The following THEMIS variants were observed in gnomAD, a reference collection of about 807,000 sequenced individuals.
THEMIS encodes protein THEMIS.
A neutral mutation model predicts 52.6 loss-of-function variants in THEMIS; 37 were observed. That is an observed-to-expected ratio of 0.70 (90% CI 0.54 to 0.93). The LOEUF is 0.93. Ranked by LOEUF, THEMIS falls within the 40% of genes least tolerant of loss-of-function variation. The pLI is 0.00. For synonymous variants in THEMIS, 292 were observed against 272.7 expected (o/e 1.07, Z -0.70); for missense variants, 808 against 763.1 (o/e 1.06, Z -0.69).
At chr6:127,797,141 A>G (rs921864891) in intron 4 of THEMIS, among the ~76,000 whole-genome samples, 3 of 152,242 alleles carry the variant, frequency 2.0e-5, no homozygotes, top group African/African-American at 7.2e-5. Context: ...TCCGTGCACT[A>G]ACCTTTCTTT....
At chr6:127,822,323 T>G (rs1045838007) in intron 3 of THEMIS, among the ~76,000 whole-genome samples, 53 of 152,162 alleles carry the variant, frequency 3.5e-4, no homozygotes, top group African/African-American at 1.2e-3. Flanking sequence ...TTTTTTAAAT[T>G]TATTTAACTT....
chr6:127,784,951 CTATCTAT>C, intron 4 of THEMIS, among the ~76,000 whole-genome samples: 2 of 7,106 alleles, frequency 2.8e-4, no homozygotes, highest in Non-Finnish European at 9.2e-4. Flanking sequence ...GGCAGTCACA[CTATCTAT>C]CTATCTATCT....
intron 4 of THEMIS, among the ~76,000 whole-genome samples, chr6:127,732,584 C>G (rs1394391028): frequency 6.6e-6 from 1 of 152,198 alleles, no homozygotes; most frequent in African/African-American, 2.4e-5. Context: ...AGCTAGCCCT[C>G]ATTCTGACAC....
chr6:127,884,272 G>A (rs2114442516), intron 1 of THEMIS, among the ~76,000 whole-genome samples: 1 of 152,158 alleles, frequency 6.6e-6, no homozygotes, highest in East Asian at 1.9e-4. Flanking sequence ...TGGACAATAG[G>A]ACAATCCTTA....
chr6:127,798,573 T>C (rs983895947), intron 4 of THEMIS, among the ~76,000 whole-genome samples: 24 of 152,210 alleles, frequency 1.6e-4, no homozygotes, highest in African/African-American at 5.3e-4. Context: ...AGTGTTCATG[T>C]CTTGGGAATA....
intron 4 of THEMIS, among the ~76,000 whole-genome samples, chr6:127,763,558 A>G (rs1487171887): frequency 1.3e-4 from 19 of 151,976 alleles, no homozygotes; most frequent in Non-Finnish European, 2.9e-5. Flanking sequence ...TACTCTCCTT[A>G]CTTATCATGA....
At chr6:127,744,387 T>A (rs1264155085) in intron 4 of THEMIS, among the ~76,000 whole-genome samples, 1 of 152,068 alleles carries the variant, frequency 6.6e-6, no homozygotes, top group East Asian at 1.9e-4. Flanking sequence ...TCCATGTTCA[T>A]TGCAGCATTA....
intron 1 of THEMIS, among the ~76,000 whole-genome samples, chr6:127,885,657 C>G (rs1205016372): frequency 6.6e-6 from 1 of 151,920 alleles, no homozygotes; most frequent in Non-Finnish European, 1.5e-5. Context: ...TTTGCAGGAA[C>G]AAGAAATAGT....
chr6:127,709,237 C>A lies in THEMIS; in HGVS notation c.*748G>T, dbSNP rs1773892128. On this transcript the variant is annotated 3_prime_UTR_variant, in exon 6 of 6. Coordinates refer to ENST00000368248, the MANE Select transcript of THEMIS (RefSeq NM_001010923.3). ...TATGATTAACTAGATAATTTTCCTA[C>A]AATCCTAAGAAACATTCATCTAAAG... 6.6e-6 allele frequency: 1 copy of A among 151,874 alleles called. No individual in the cohort carries two copies. Among genetic ancestry groups the A allele is most frequent in the South Asian group, 2.1e-4 (1 of 4,832 alleles). 9.4% of individuals were successfully genotyped at this position (151,874 alleles called of 1,614,324 possible). A position where few individuals can be genotyped will look rare whatever the true frequency, so the allele number is the denominator to read the frequency against.
chr6:127,783,728 A>G (rs1776827664), intron 4 of THEMIS, among the ~76,000 whole-genome samples: 1 of 152,216 alleles, frequency 6.6e-6, no homozygotes, highest in African/African-American at 2.4e-5. Flanking sequence ...TTAAAAAGTC[A>G]GGAAACAACA....
At chr6:127,902,159 T>C (rs1487101832), upstream of THEMIS, among the ~76,000 whole-genome samples, 2 of 151,274 alleles carry the variant, frequency 1.3e-5, no homozygotes, top group Non-Finnish European at 1.5e-5. Flanking sequence ...ACTTTGTCTC[T>C]ACAAAAAAAT....
chr6:127,853,319 G>T (rs1018458002), intron 2 of THEMIS, among the ~76,000 whole-genome samples: 1 of 151,598 alleles, frequency 6.6e-6, no homozygotes, highest in Non-Finnish European at 1.5e-5. Flanking sequence ...TAAAGTAATG[G>T]TTCTCAACAC....
At chr6:127,861,393 A>G (rs1562306810) in intron 1 of THEMIS, among the ~76,000 whole-genome samples, 1 of 152,206 alleles carries the variant, frequency 6.6e-6, no homozygotes, top group Non-Finnish European at 1.5e-5. Context: ...CACAATACAT[A>G]CAAAATAAAG....
chr6:127,762,068 A>G (rs1776040580), intron 4 of THEMIS, among the ~76,000 whole-genome samples: 1 of 152,174 alleles, frequency 6.6e-6, no homozygotes, highest in African/African-American at 2.4e-5. Context: ...GATACTATTC[A>G]GATTTTTTAA....
chr6:127,744,976 G>A (rs1775337577), intron 4 of THEMIS, among the ~76,000 whole-genome samples: 1 of 151,444 alleles, frequency 6.6e-6, no homozygotes, highest in Non-Finnish European at 1.5e-5. Context: ...CTCTTCAAAT[G>A]GTATACCTTA....
intron 4 of THEMIS, among the ~76,000 whole-genome samples, chr6:127,790,485 G>A (rs2114520934): frequency 6.6e-6 from 1 of 152,180 alleles, no homozygotes; most frequent in Non-Finnish European, 1.5e-5. Flanking sequence ...TTTTATGTGA[G>A]GTCATCTTAA....
chr6:127,899,903 T>TA (rs1554248209), intron 1 of THEMIS, among the ~76,000 whole-genome samples: 1 of 144,540 alleles, frequency 6.9e-6, no homozygotes, highest in Non-Finnish European at 1.5e-5. Flanking sequence ...TGTGTATATT[T>TA]TATATATATA....
At chr6:127,769,888 T>C (rs998735249) in intron 4 of THEMIS, among the ~76,000 whole-genome samples, 1 of 152,208 alleles carries the variant, frequency 6.6e-6, no homozygotes, top group African/African-American at 2.4e-5. Context: ...TTTCCTGTCC[T>C]TGTGATAGTT....
At chr6:127,817,739 C>T (rs115476659) in intron 3 of THEMIS, among the ~76,000 whole-genome samples, 2,874 of 152,172 alleles carry the variant, frequency 0.019, 102 homozygotes, top group African/African-American at 0.066. Context: ...GGGGCAAAAA[C>T]GACTGCTGGA....
Sources: gnomAD v4.1 joint callset for allele counts (sites outside exome capture counted in the v4.1 genomes callset) on GRCh38, gnomAD v4.1.1 for gene constraint, MANE v1.5 for transcripts, NCBI Gene and HGNC (gene_info 2026-07-23, HGNC 2026-07-21) for gene names.